Variants in DCAF7 observed in about 807,000 individuals in gnomAD.
DCAF7 encodes the protein DDB1- and CUL4-associated factor 7.
Under a neutral mutation model 41.2 loss-of-function variants are expected in DCAF7, and 4 were observed. The observed-to-expected ratio is 0.10, with a 90% CI of 0.05 to 0.22. The LOEUF (loss-of-function observed/expected upper bound fraction) is 0.22. DCAF7 is among the 10% of genes least tolerant of loss of function. The pLI is 1.00. For synonymous variants in DCAF7, 143 were observed against 164.2 expected (o/e 0.87, Z 0.99); for missense variants, 131 against 443.2 (o/e 0.30, Z 6.32).
chr17:63,589,646 CT>C lies in DCAF7; in HGVS notation c.*477del. 1 of 183,974 alleles carries C rather than the reference CT, an allele frequency of 5.4e-6. No homozygotes were observed. The highest frequency in any genetic ancestry group is 1.2e-5 in the Non-Finnish European group (1 of 86,122). 11.4% of individuals were successfully genotyped at this position (183,974 alleles called of 1,614,324 possible). On this transcript the variant is annotated 3_prime_UTR_variant, in exon 7 of 7. Transcript: ENST00000614556. ...TATCAGTGTGTTTAACAAATTTTAA[CT>C]TTGTATATTTGTTATCTATCAGGCT...
intron 1 of DCAF7, among the ~76,000 whole-genome samples, chr17:63,577,371 T>A (rs1459785255): frequency 6.6e-6 from 1 of 152,234 alleles, no homozygotes; most frequent in East Asian, 1.9e-4. Flanking sequence ...GTTGTCTGGT[T>A]AGTGCTTTTC....
Position 63,559,323 on chromosome 17 carries a change from A to G in DCAF7, c.138+8508A>G, listed in dbSNP as rs77900464. ...GAGACCCATATATATATATATATGT[A>G]TATATATATACATACATATATATAC... is the stretch of plus-strand genomic sequence containing the variant. On this transcript the variant is annotated intron_variant, in intron 1 of 6. Coordinates refer to ENST00000614556, the MANE Select transcript of DCAF7 (RefSeq NM_005828.5). 4.8e-3 allele frequency among the ~76,000 whole-genome samples: 362 copies of G among 75,754 alleles called. 1 individual carries two copies. Among genetic ancestry groups the G allele is most frequent in the Middle Eastern group, 0.028 (3 of 106 alleles). The allele number at this position is 75,754 out of a possible 152,430, so 49.7% of individuals were successfully genotyped here. A position where few individuals can be genotyped will look rare whatever the true frequency, so the allele number is the denominator to read the frequency against.
At chr17:63,560,856 GAGA>G (rs765308884) in intron 1 of DCAF7, among the ~76,000 whole-genome samples, 20 of 152,236 alleles carry the variant, frequency 1.3e-4, no homozygotes, top group Non-Finnish European at 2.5e-4. Flanking sequence ...TCTTTTTATA[GAGA>G]AGAAGTCAGG....
chr17:63,578,437 A>G, intron 1 of DCAF7, 33 bp from the exon 2 acceptor site: 1 of 1,613,704 alleles, frequency 6.2e-7, no homozygotes, highest in Admixed American at 1.7e-5. Flanking sequence ...CTGCTCACAA[A>G]TGCTTATGTG....
chr17:63,563,319 T>C (rs1172285556), intron 1 of DCAF7, among the ~76,000 whole-genome samples: 1 of 152,194 alleles, frequency 6.6e-6, no homozygotes, highest in Non-Finnish European at 1.5e-5. Flanking sequence ...TTTAAATTTA[T>C]AAAAATTAAG....
Position 63,578,365 on chromosome 17 carries a change from A to G in DCAF7, c.139-105A>G. On this transcript the variant is annotated intron_variant, in intron 1 of 6. Coordinates refer to ENST00000614556, the MANE Select transcript of DCAF7 (RefSeq NM_005828.5). ...GGCAACAGAGCAAGATCCTGTCTTT[A>G]AAACAAAAAACAAACAAAAAAAACC... The G allele has an allele frequency of 2.0e-6, 3 of 1,506,566 alleles. No individual in the cohort carries two copies. In the East Asian group the frequency reaches 6.8e-5, roughly 34 times the overall value. The allele number at this position is 1,506,566 out of a possible 1,614,324, so 93.3% of individuals were successfully genotyped here. A position where few individuals can be genotyped will look rare whatever the true frequency, so the allele number is the denominator to read the frequency against.
At position 63,579,357 on chromosome 17, in the gene DCAF7, G is replaced by A. The variant is rs1387133146; in HGVS notation, c.318G>A (p.Arg106=). The part of the protein sequence containing the change: ...RVWRVGETET[R]LECLLNNNKN... ...TTCAGGTTGGTGAAACAGAGACCAG[G>A]CTGGAGTGTTTGCTAAACAATAATA... Residue 106 remains arginine, a synonymous_variant, in exon 3 of 7, where the codon AGG becomes AGA. Transcript: ENST00000614556. 6.2e-7 allele frequency: 1 copy of A among 1,604,956 alleles called. No homozygotes were observed. The highest frequency in any genetic ancestry group is 8.5e-7 in the Non-Finnish European group (1 of 1,175,388).
chr17:63,559,724 C>A (rs2033360406), intron 1 of DCAF7, among the ~76,000 whole-genome samples: 1 of 151,974 alleles, frequency 6.6e-6, no homozygotes, highest in Non-Finnish European at 1.5e-5. Context: ...ATCGCTTGAA[C>A]CCAGGAGGCA....
intron 6 of DCAF7, 25 bp from the exon 7 acceptor site, chr17:63,588,975 G>C (rs536074393): frequency 1.2e-5 from 19 of 1,592,494 alleles, no homozygotes; most frequent in Non-Finnish European, 1.5e-5. Context: ...TTGTGACCTT[G>C]CTTGCTGGCT....
chr17:63,556,735 T>C (rs767217718), intron 1 of DCAF7, among the ~76,000 whole-genome samples: 1 of 148,980 alleles, frequency 6.7e-6, no homozygotes, highest in Non-Finnish European at 1.5e-5. Flanking sequence ...GATGTGGTGG[T>C]GCGTGCCTGT....
chr17:63,554,516 C>T (rs2033291437), intron 1 of DCAF7, among the ~76,000 whole-genome samples: 1 of 152,242 alleles, frequency 6.6e-6, no homozygotes, highest in Admixed American at 6.5e-5. Flanking sequence ...TTGGTTCTGC[C>T]CTTCCATCCA....
intron 4 of DCAF7, among the ~76,000 whole-genome samples, chr17:63,582,192 A>G (rs1285730340): frequency 6.6e-6 from 1 of 152,090 alleles, no homozygotes; most frequent in Non-Finnish European, 1.5e-5. Context: ...CTTTTGAACC[A>G]CTTCTACTTC....
At chr17:63,562,746 TTC>T (rs1239402536) in intron 1 of DCAF7, among the ~76,000 whole-genome samples, 6 of 141,674 alleles carry the variant, frequency 4.2e-5, no homozygotes, top group African/African-American at 1.6e-4. Context: ...TGTCCGTGTG[TTC>T]TCATTGTTCA....
chr17:63,580,502 G>C (rs903344637), intron 4 of DCAF7, among the ~76,000 whole-genome samples: 7 of 116,150 alleles, frequency 6.0e-5, no homozygotes, highest in African/African-American at 1.3e-4. Context: ...AGCTATTTGT[G>C]ATTGCTTTTT....
chr17:63,552,948 T>C (rs146659630), intron 1 of DCAF7, among the ~76,000 whole-genome samples: 1 of 152,354 alleles, frequency 6.6e-6, no homozygotes, highest in African/African-American at 2.4e-5. Context: ...ATGTAGGCAA[T>C]GCGCTGTCTT....
At chr17:63,583,979 G>A (rs1251279693) in intron 5 of DCAF7, among the ~76,000 whole-genome samples, 2 of 152,154 alleles carry the variant, frequency 1.3e-5, no homozygotes, top group East Asian at 3.8e-4. Context: ...GCAGTCCCGG[G>A]ACTGAGAAAG....
chr17:63,588,481 G>A (rs1171129697), intron 6 of DCAF7, among the ~76,000 whole-genome samples: 1 of 149,706 alleles, frequency 6.7e-6, no homozygotes, highest in Non-Finnish European at 1.5e-5. Context: ...ACAGGTGTGA[G>A]CCACCATGCC....
At chr17:63,575,099 T>C (rs990039344) in intron 1 of DCAF7, among the ~76,000 whole-genome samples, 1 of 152,144 alleles carries the variant, frequency 6.6e-6, no homozygotes, top group Non-Finnish European at 1.5e-5. Context: ...GGCAGATCAC[T>C]TGAGGTCAGG....
Position 63,578,729 on chromosome 17 carries a change from T to C in DCAF7, c.297+101T>C, listed in dbSNP as rs1335441397. ...ACAGACAGGGGTCAGAGGCAGCGAG[T>C]GTCATTGCAGCACAGGAGAAGCAAG... is the stretch of plus-strand genomic sequence containing the variant. On this transcript the variant is annotated intron_variant, in intron 2 of 6. Transcript: ENST00000614556. 3.6e-5 allele frequency: 55 copies of C among 1,508,464 alleles called. No individual in the cohort carries two copies. The Admixed American group carries it at 9.7e-4, about 27-fold the overall frequency. 93.4% of individuals were successfully genotyped at this position (1,508,464 alleles called of 1,614,324 possible).
Sources: allele counts gnomAD v4.1 joint callset (sites outside exome capture counted in the v4.1 genomes callset), GRCh38; gene constraint gnomAD v4.1.1; transcripts MANE v1.5; gene names NCBI Gene and HGNC (gene_info 2026-07-23, HGNC 2026-07-21).